Variants in CD99 observed in about 807,000 individuals in gnomAD.
CD99 encodes CD99 antigen.
Under a neutral mutation model 28.4 loss-of-function variants are expected in CD99, and 19 were observed. That is an observed-to-expected ratio of 0.67 (90% CI 0.47 to 0.98). CD99 has a LOEUF of 0.98. CD99 is among the 50% of genes least tolerant of loss of function. The pLI, the probability that CD99 is intolerant of heterozygous loss-of-function variation, is 0.00. For missense variants in CD99, 283 were observed against 248.8 expected (o/e 1.14, Z -0.92); for synonymous variants, 103 against 92.1 (o/e 1.12, Z -0.67).
At chrX:2,715,412 G>T (rs188896038) in intron 2 of CD99, 1 of 152,176 alleles carries the variant, frequency 6.6e-6, no homozygotes, top group Admixed American at 6.6e-5. Flanking sequence ...TGCGGCTTCC[G>T]GGAGCTCCAG....
chrX:2,719,824 AC>A, intron 4 of CD99, 119 bp downstream of exon 4: 6 of 1,067,056 alleles, frequency 5.6e-6, no homozygotes, highest in Non-Finnish European at 8.8e-6. Context: ...CACAGTGGAA[AC>A]CTAGGGAATA....
intron 7 of CD99, among the ~76,000 whole-genome samples, chrX:2,723,738 G>A (rs2049123971): frequency 1.3e-5 from 2 of 152,176 alleles, no homozygotes; most frequent in African/African-American, 4.8e-5. Flanking sequence ...GAGAACGTCA[G>A]TAACCAGGTG....
intron 1 of CD99, chrX:2,691,671 T>G (rs1027789952): frequency 2.8e-6 from 2 of 704,212 alleles, no homozygotes; most frequent in South Asian, 1.5e-5. Flanking sequence ...TGCAAACTCT[T>G]ACATGTGGGG....
chrX:2,740,523 CG>C (rs2050148503), intron 9 of CD99, among the ~76,000 whole-genome samples: 2 of 151,964 alleles, frequency 1.3e-5, no homozygotes, highest in Non-Finnish European at 2.9e-5. Flanking sequence ...GTCTCTGTGA[CG>C]TCGTTAGTGG....
chrX:2,723,923 A>C (rs1427683854), intron 7 of CD99, among the ~76,000 whole-genome samples: 1 of 151,988 alleles, frequency 6.6e-6, no homozygotes, highest in Admixed American at 6.6e-5. Flanking sequence ...AAAATGAGGT[A>C]AGAAAGAGAA....
chrX:2,691,625 G>A, intron 1 of CD99, 198 bp downstream of exon 1: 1 of 719,474 alleles, frequency 1.4e-6, no homozygotes, highest in South Asian at 1.5e-5. Context: ...TCCTGGAGCC[G>A]TTCCAGAGAG....
Position 2,691,354 on chromosome X carries a change from G to C in CD99, c.-7G>C, listed in dbSNP as rs768091309. ...CCGGGACCGTCCCTGCGCGCTCTGG[G>C]CGCACCATGGCCCGCGGGGCTGCGC... is the stretch of plus-strand genomic sequence containing the variant. On this transcript the variant is annotated 5_prime_UTR_variant, in exon 1 of 10. Coordinates refer to ENST00000381192, the MANE Select transcript of CD99 (RefSeq NM_002414.5). The C allele has an allele frequency of 1.9e-5, 30 of 1,564,662 alleles. No individual in the cohort carries two copies. In the South Asian group the frequency reaches 2.9e-4, roughly 15 times the overall value.
chrX:2,723,335 G>C lies in CD99; in HGVS notation c.332G>C (p.Gly111Ala). ...GCAGGAAAAGGAGGCAGTGATGGTG[G>C]AGGCAGCCACAGGAAAGAAGGGGAA... The part of the protein sequence containing the change: ...GGEGKGGSDG[G>A]GSHRKEGEEA... Residue 111 changes from glycine to alanine, a missense_variant, in exon 7 of 10, where the codon GGA (glycine) becomes GCA (alanine). Transcript: ENST00000381192. The C allele has an allele frequency of 6.2e-7, 1 of 1,613,972 alleles. No homozygotes were observed. Among genetic ancestry groups the C allele is most frequent in the South Asian group, 1.1e-5 (1 of 91,082 alleles).
intron 4 of CD99, among the ~76,000 whole-genome samples, chrX:2,719,966 T>C (rs902858574): frequency 1.3e-5 from 2 of 152,196 alleles, no homozygotes; most frequent in Admixed American, 6.5e-5. Flanking sequence ...CAGGGCTGGC[T>C]TCACCAGCAT....
intron 6 of CD99, 135 bp from the exon 7 acceptor site, chrX:2,723,179 C>T: frequency 2.3e-6 from 2 of 876,410 alleles, no homozygotes; most frequent in Non-Finnish European, 3.9e-6. Context: ...ATAGGCAGGA[C>T]CCCAGCTCTG....
intron 1 of CD99, among the ~76,000 whole-genome samples, chrX:2,695,850 C>A (rs1333006696): frequency 2.0e-5 from 3 of 151,902 alleles, no homozygotes; most frequent in Non-Finnish European, 4.4e-5. Context: ...GACAGGCTGG[C>A]CTCAAACTCC....
chrX:2,712,530 A>T (rs1304131912), intron 1 of CD99, among the ~76,000 whole-genome samples: 1 of 152,140 alleles, frequency 6.6e-6, no homozygotes, highest in East Asian at 1.9e-4. Flanking sequence ...CTTATGGTTT[A>T]TTCTGGATCA....
At chrX:2,693,676 T>G (rs1347456336) in intron 1 of CD99, among the ~76,000 whole-genome samples, 1 of 152,066 alleles carries the variant, frequency 6.6e-6, no homozygotes, top group Non-Finnish European at 1.5e-5. Flanking sequence ...CTCAGAGTGT[T>G]GGGGACCCTG....
chrX:2,712,003 C>T (rs1228392313), intron 1 of CD99, among the ~76,000 whole-genome samples: 1 of 152,170 alleles, frequency 6.6e-6, no homozygotes, highest in Non-Finnish European at 1.5e-5. Flanking sequence ...GATCATCGCA[C>T]TCCAGCTTGG....
chrX:2,727,880 C>T (rs367862027), intron 8 of CD99, among the ~76,000 whole-genome samples: 28 of 152,312 alleles, frequency 1.8e-4, no homozygotes, highest in African/African-American at 6.3e-4. Context: ...TTCTTGGTCA[C>T]TGATGTCATT....
Position 2,719,716 on chromosome X carries a change from T to C in CD99, c.193+11T>C. 1 of 1,612,250 alleles carries C rather than the reference T, an allele frequency of 6.2e-7. No homozygotes were observed. Among genetic ancestry groups the C allele is most frequent in the Non-Finnish European group, 8.5e-7 (1 of 1,178,284 alleles). On this transcript the variant is annotated intron_variant, in intron 4 of 9. Transcript: ENST00000381192. ...TTGATGGAGAAAATGGTGAGTATTT[T>C]CCTTTAATCTCTTCTGCTGCTGATC...
intron 1 of CD99, among the ~76,000 whole-genome samples, chrX:2,711,981 G>A (rs1260598323): frequency 6.6e-6 from 1 of 152,192 alleles, no homozygotes; most frequent in Non-Finnish European, 1.5e-5. Context: ...GGCGGAGGTT[G>A]TAGTGAGCCA....
intron 1 of CD99, among the ~76,000 whole-genome samples, chrX:2,704,738 G>A (rs1461139719): frequency 6.6e-6 from 1 of 151,790 alleles, no homozygotes; most frequent in Non-Finnish European, 1.5e-5. Flanking sequence ...TTTGGAGGCA[G>A]GGTCTCTCTC....
chrX:2,723,349 A>C lies in CD99; in HGVS notation c.346A>C (p.Lys116Gln). Residue 116 changes from lysine to glutamine, a missense_variant, in exon 7 of 10, where the codon AAA becomes CAA. Lys to Gln is a moderately conservative substitution (Grantham distance 53, BLOSUM62 1). Coordinates refer to ENST00000381192, the MANE Select transcript of CD99 (RefSeq NM_002414.5). ...CAGTGATGGTGGAGGCAGCCACAGG[A>C]AAGAAGGGGAAGAGGGTAGGTGCAC... Reference protein sequence around the residue: ...GGSDGGGSHRKEGEEADAPGV... With the variant: ...GGSDGGGSHRQEGEEADAPGV... The C allele has an allele frequency of 6.2e-7, 1 of 1,613,934 alleles. No individual in the cohort carries two copies. Among genetic ancestry groups the C allele is most frequent in the Non-Finnish European group, 8.5e-7 (1 of 1,179,850 alleles).
Sources: gnomAD v4.1 joint callset for allele counts (sites outside exome capture counted in the v4.1 genomes callset) on GRCh38, gnomAD v4.1.1 for gene constraint, MANE v1.5 for transcripts, NCBI Gene and HGNC (gene_info 2026-07-23, HGNC 2026-07-21) for gene names.